The following DYNC2H1 variants were observed in gnomAD, a reference collection of about 807,000 sequenced individuals.
DYNC2H1 encodes the protein dynein cytoplasmic 2 heavy chain 1.
A neutral mutation model predicts 570.0 loss-of-function variants in DYNC2H1; 410 were observed. The observed-to-expected ratio is 0.72, with a 90% CI of 0.66 to 0.78. The LOEUF (loss-of-function observed/expected upper bound fraction) is 0.78. Ranked by LOEUF, DYNC2H1 falls within the 30% of genes least tolerant of loss-of-function variation. The pLI is 0.00. For synonymous variants in DYNC2H1, 1,688 were observed against 1,677.6 expected (o/e 1.01, Z -0.15); for missense variants, 4,865 against 5,046.4 (o/e 0.96, Z 1.09).
In DYNC2H1 at chr11:103,439,565, G is replaced by A. The variant is rs1944187755; in HGVS notation, c.12456+3533G>A. 6.6e-6 allele frequency among the ~76,000 whole-genome samples: 1 copy of A among 152,024 alleles called. No individual in the cohort carries two copies. The highest frequency in any genetic ancestry group is 2.4e-5 in the African/African-American group (1 of 41,396). On this transcript the variant is annotated intron_variant, in intron 85 of 88. Coordinates refer to ENST00000375735, the MANE Select transcript of DYNC2H1 (RefSeq NM_001377.3). The surrounding 1 kb of genome is among the most constrained non-coding windows in gnomAD (Gnocchi z 4.1). The stretch of plus-strand genomic sequence containing the variant: ...AAAGGGACTGTTTTAGCTGCAGTAT[G>A]GAGAGAGTCTTAGTCTACTTTGTGG...
intron 83 of DYNC2H1, among the ~76,000 whole-genome samples, chr11:103,374,589 C>T (rs1941315431): frequency 6.6e-6 from 1 of 152,090 alleles, no homozygotes; most frequent in South Asian, 2.1e-4. Context: ...GACCAAAATG[C>T]TGATAGTGAT....
rs1382091436 is a variant in DYNC2H1 at position 103,369,467 on chromosome 11, G to A, written c.12156+11108G>A. ...AACTGGAAGGGACACGTGACCTACT[G>A]AGGCACCTGCTGGGGCAGCTAAGGG... On this transcript the variant is annotated intron_variant, in intron 83 of 88. Transcript: ENST00000375735. The surrounding 1 kb of genome is among the most constrained non-coding windows in gnomAD (Gnocchi z 4.0). Among the ~76,000 whole-genome samples the A allele has an allele frequency of 1.3e-5, 2 of 152,144 alleles. No individual in the cohort carries two copies. Among genetic ancestry groups the A allele is most frequent in the African/African-American group, 4.8e-5 (2 of 41,448 alleles).
At chr11:103,263,021 G>GGAAAAA (rs1591491551) in intron 70 of DYNC2H1, among the ~76,000 whole-genome samples, 1 of 17,606 alleles carries the variant, frequency 5.7e-5, no homozygotes, top group African/African-American at 1.9e-4. Context: ...CAAATGGAAA[G>GGAAAAA]CAAAAAAAAA....
rs2135630262 is a variant in DYNC2H1 at position 103,395,664 on chromosome 11, C to T, written c.12157-3999C>T. ...TCAGAATACCCAGCAGAATTCTTAC[C>T]ACATTTCATTGTCTCTGTTTGGTCA... On this transcript the variant is annotated intron_variant, in intron 83 of 88. Coordinates refer to ENST00000375735, the MANE Select transcript of DYNC2H1 (RefSeq NM_001377.3). This position sits in a 1 kb window ranked among gnomAD's most constrained non-coding sequence, Gnocchi z 4.3. Among the ~76,000 whole-genome samples, 1 of 152,158 alleles carries T rather than the reference C, an allele frequency of 6.6e-6. No individual in the cohort carries two copies. The highest frequency in any genetic ancestry group is 6.6e-5 in the Admixed American group (1 of 15,260).
In DYNC2H1 at chr11:103,336,418, T is replaced by C. The variant is rs890426393; in HGVS notation, c.12039+12428T>C. On this transcript the variant is annotated intron_variant, in intron 82 of 88. Transcript: ENST00000375735. ...CTATCTAACTGTATTTTTGTACCCA[T>C]TAACCAACCCCTTTTTATCCTACCC... Among the ~76,000 whole-genome samples the C allele has an allele frequency of 5.3e-5, 8 of 152,248 alleles. No individual in the cohort carries two copies. The East Asian group carries it at 1.5e-3, about 29-fold the overall frequency.
At chr11:103,445,556 TGGAGGC>T (rs1265673227) in intron 85 of DYNC2H1, among the ~76,000 whole-genome samples, 13 of 152,092 alleles carry the variant, frequency 8.5e-5, no homozygotes, top group Middle Eastern at 3.4e-3. Flanking sequence ...GCTGTGGAGG[TGGAGGC>T]TTCTTAAAGA....
chr11:103,458,923 C>T (rs577656033), intron 87 of DYNC2H1, among the ~76,000 whole-genome samples: 15 of 152,164 alleles, frequency 9.9e-5, no homozygotes, highest in East Asian at 7.8e-4. Flanking sequence ...CCACCTTCCT[C>T]GGCCTCCCAA....
At chr11:103,327,506 T>C (rs1022077217) in intron 82 of DYNC2H1, among the ~76,000 whole-genome samples, 1 of 152,162 alleles carries the variant, frequency 6.6e-6, no homozygotes, top group Non-Finnish European at 1.5e-5. Flanking sequence ...CAAAACCTTC[T>C]CTTGAAAGTT....
chr11:103,337,982 T>C (rs1168079102), intron 82 of DYNC2H1, among the ~76,000 whole-genome samples: 1 of 152,208 alleles, frequency 6.6e-6, no homozygotes. Context: ...ATTTCCCCAA[T>C]GTTTTCTTCT....
At chr11:103,269,665 C>T (rs552124220) in intron 70 of DYNC2H1, among the ~76,000 whole-genome samples, 4 of 152,226 alleles carry the variant, frequency 2.6e-5, no homozygotes, top group South Asian at 2.1e-4. Flanking sequence ...ATATTATTAG[C>T]TATTCCATTG....
rs533399242 is a variant in DYNC2H1 at position 103,280,354 on chromosome 11, C to T, written c.10702C>T (p.Gln3568Ter). 1.9e-6 allele frequency: 3 copies of T among 1,554,516 alleles called. No homozygotes were observed. Among genetic ancestry groups the T allele is most frequent in the Non-Finnish European group, 1.7e-6 (2 of 1,147,888 alleles). Residue 3568 changes from glutamine (Q) to a stop codon, truncating the protein, a stop_gained, in exon 71 of 89, where the codon CAG becomes TAG. Coordinates refer to ENST00000375735, the MANE Select transcript of DYNC2H1 (RefSeq NM_001377.3). LOFTEE classifies it high-confidence loss of function. The surrounding 1 kb of genome is among the most constrained non-coding windows in gnomAD (Gnocchi z 4.7). ...YICRCLFKADQLMFALHFVRG... is the reference protein window; with the variant it reads ...YICRCLFKAD ...TATCTGTTATTCTTTGCAGGCTGATCAGTTGATGTTCGCTTTGCATTTTGT... is the reference window on the plus strand; with the variant it reads ...TATCTGTTATTCTTTGCAGGCTGATTAGTTGATGTTCGCTTTGCATTTTGT...
Position 103,257,629 on chromosome 11 carries a change from C to A in DYNC2H1, c.10483C>A (p.Leu3495Met). 6.2e-7 allele frequency: 1 copy of A among 1,612,536 alleles called. No individual in the cohort carries two copies. Among genetic ancestry groups the A allele is most frequent in the South Asian group, 1.1e-5 (1 of 90,848 alleles). ...ATAGGAACGGGATGCCTATCTCCCCCTGGCTGAGAGTGCCAGCAAGATGTA... is the reference window on the plus strand; with the variant it reads ...ATAGGAACGGGATGCCTATCTCCCCATGGCTGAGAGTGCCAGCAAGATGTA... ...LDQERDAYLP[L>M]AESASKMYFI... Residue 3495 changes from leucine to methionine, a missense_variant, in exon 69 of 89, where the codon CTG becomes ATG. Leu to Met is a conservative substitution (Grantham distance 15). This residue lies in a region of DYNC2H1 where 2,401 missense variants were observed against 2,454.6 expected (regional missense o/e 0.98). Transcript: ENST00000375735.
chr11:103,142,530 A>G (rs1223393910), intron 17 of DYNC2H1, among the ~76,000 whole-genome samples: 2 of 152,070 alleles, frequency 1.3e-5, no homozygotes, highest in East Asian at 1.9e-4. Context: ...TTATCTGGGC[A>G]TGGTGGTGGT....
chr11:103,255,461 A>C lies in DYNC2H1; in HGVS notation c.10253A>C (p.Gln3418Pro). ...IQHEKPDLEE[Q>P]KTKLLQQEED... is the part of the protein sequence containing the mutation. ...CATGAGAAACCTGATTTAGAAGAAC[A>C]GAAAACAAAACTATTACAACAGGAA... Residue 3418 changes from glutamine (Q) to proline (P), a missense_variant, in exon 67 of 89, where the codon CAG (glutamine) becomes CCG (proline). Physicochemically the swap from Gln to Pro is moderately conservative, Grantham distance 76. Transcript: ENST00000375735. 2 of 1,570,060 alleles carry C rather than the reference A, an allele frequency of 1.3e-6. No homozygotes were observed. The highest frequency in any genetic ancestry group is 1.7e-6 in the Non-Finnish European group (2 of 1,156,278).
At chr11:103,258,194 A>G (rs1452138897) in intron 69 of DYNC2H1, among the ~76,000 whole-genome samples, 2 of 152,226 alleles carry the variant, frequency 1.3e-5, no homozygotes, top group South Asian at 4.1e-4. Flanking sequence ...GGAGGGAAGT[A>G]TGTATTAAAG....
rs1179574911 is a variant in DYNC2H1 at position 103,256,032 on chromosome 11, A to G, written c.10327-74A>G. 2.3e-6 allele frequency: 3 copies of G among 1,284,452 alleles called. No individual in the cohort carries two copies. Among genetic ancestry groups the G allele is most frequent in the Non-Finnish European group, 3.2e-6 (3 of 947,288 alleles). The allele number at this position is 1,284,452 out of a possible 1,614,324, so 79.6% of individuals were successfully genotyped here. A position where few individuals can be genotyped will look rare whatever the true frequency, so the allele number is the denominator to read the frequency against. On this transcript the variant is annotated intron_variant, in intron 67 of 88. Coordinates refer to ENST00000375735, the MANE Select transcript of DYNC2H1 (RefSeq NM_001377.3). This position sits in a 1 kb window ranked among gnomAD's most constrained non-coding sequence, Gnocchi z 4.0. Reference sequence around the variant, plus strand: ...TTGCCATAAACATCAAATGAATGACAGTTAATATGGGTTTGCTTTAATTGG... The same window carrying G: ...TTGCCATAAACATCAAATGAATGACGGTTAATATGGGTTTGCTTTAATTGG...
At chr11:103,313,854 G>A (rs1307342186) in intron 79 of DYNC2H1, among the ~76,000 whole-genome samples, 1 of 152,074 alleles carries the variant, frequency 6.6e-6, no homozygotes, top group Non-Finnish European at 1.5e-5. Flanking sequence ...CCACACTTAT[G>A]GGGAGGACTC....
Position 103,154,765 on chromosome 11 carries a change from T to G in DYNC2H1, c.3529T>G (p.Ser1177Ala). 6.4e-7 allele frequency: 1 copy of G among 1,564,214 alleles called. No homozygotes were observed. The highest frequency in any genetic ancestry group is 8.7e-7 in the Non-Finnish European group (1 of 1,154,400). The change falls in exon 24 of 89, where the codon TCA becomes GCA. Residue 1177 changes from serine to alanine, a missense_variant. Coordinates refer to ENST00000375735, the MANE Select transcript of DYNC2H1 (RefSeq NM_001377.3). ...CAGATTAAGGAAGGTTGAAGAACAT[T>G]CAGTGATGACAGTGAAATTACAATC... ...HDRLRKVEEH[S>A]VMTVKLQSEV... is the part of the protein sequence containing the mutation.
chr11:103,129,940 T>C lies in DYNC2H1; in HGVS notation c.1953+935T>C, dbSNP rs1437696163. ...TGCTCAGAGGATCCACAGTACTCAG[T>C]GTATGGTCATACTCATAGCAGTATT... is the stretch of plus-strand genomic sequence containing the variant. On this transcript the variant is annotated intron_variant, in intron 13 of 88. Coordinates refer to ENST00000375735, the MANE Select transcript of DYNC2H1 (RefSeq NM_001377.3). The surrounding 1 kb of genome is among the most constrained non-coding windows in gnomAD (Gnocchi z 4.1). Among the ~76,000 whole-genome samples, 2 of 152,176 alleles carry C rather than the reference T, an allele frequency of 1.3e-5. No homozygotes were observed. Among genetic ancestry groups the C allele is most frequent in the African/African-American group, 4.8e-5 (2 of 41,440 alleles).
Sources: gnomAD v4.1 joint callset for allele counts (sites outside exome capture counted in the v4.1 genomes callset) on GRCh38, gnomAD v4.1.1 for gene constraint, gnomAD v4.1.1 regional missense constraint, Gnocchi (gnomAD v3.1) non-coding constraint, MANE v1.5 for transcripts, NCBI Gene and HGNC (gene_info 2026-07-23, HGNC 2026-07-21) for gene names.